The following MLIP variants were observed in gnomAD, a reference collection of about 807,000 sequenced individuals.
The protein encoded by MLIP is muscular LMNA-interacting protein.
In MLIP, 79 loss-of-function variants were observed where a neutral mutation model predicts 84.8. The observed-to-expected ratio is 0.93, with a 90% CI of 0.78 to 1.12. The LOEUF (loss-of-function observed/expected upper bound fraction) is 1.12. MLIP is among the 50% of genes most tolerant of loss of function. The probability of loss-of-function intolerance (pLI) is 0.00; values close to 1 mark genes in which losing one functional copy is unlikely to be tolerated. For synonymous variants in MLIP, 504 were observed against 463.0 expected (o/e 1.09, Z -1.14); for missense variants, 1,257 against 1,160.6 (o/e 1.08, Z -1.21).
chr6:54,053,267 G>A (rs1423410102), intron 1 of MLIP, among the ~76,000 whole-genome samples: 4 of 152,136 alleles, frequency 2.6e-5, no homozygotes, highest in African/African-American at 9.7e-5. Flanking sequence ...CAGTCAAAAT[G>A]TCAGCTATTT....
chr6:54,035,741 T>G lies in MLIP; in HGVS notation c.63+16650T>G, dbSNP rs1764396119. On this transcript the variant is annotated intron_variant, in intron 1 of 12. Transcript: ENST00000274897. ...GGGTGTTGAACATCTTTTCATGTAC[T>G]TATTTGCCATATGTATATCTTTTTT... Among the ~76,000 whole-genome samples, 2 of 152,122 alleles carry G rather than the reference T, an allele frequency of 1.3e-5. 1 individual carries two copies. Among genetic ancestry groups the G allele is most frequent in the South Asian group, 4.1e-4 (2 of 4,836 alleles).
chr6:54,054,454 G>T (rs917484220), intron 1 of MLIP, among the ~76,000 whole-genome samples: 2 of 151,524 alleles, frequency 1.3e-5, no homozygotes, highest in Non-Finnish European at 2.9e-5. Flanking sequence ...AAAAATGACG[G>T]GTCTCCTTGA....
At chr6:54,034,900 C>T (rs116575402) in intron 1 of MLIP, among the ~76,000 whole-genome samples, 43 of 152,102 alleles carry the variant, frequency 2.8e-4, no homozygotes, top group Non-Finnish European at 5.4e-4. Context: ...TGGTAAATGC[C>T]CTATACAGGT....
chr6:54,231,762 G>C (rs979604470), intron 12 of MLIP, among the ~76,000 whole-genome samples: 1 of 152,082 alleles, frequency 6.6e-6, no homozygotes, highest in Non-Finnish European at 1.5e-5. Context: ...TCTACCTCCA[G>C]TTAAATACAT....
chr6:54,065,820 T>C lies in MLIP; in HGVS notation c.63+46729T>C, dbSNP rs1387023161. On this transcript the variant is annotated intron_variant, in intron 1 of 12. Transcript: ENST00000274897. ...CCTTGTCCTTACATCAAACTTTCTGTAGATTTGATAGTTTTTACTTATTTA... is the reference window on the plus strand; with the variant it reads ...CCTTGTCCTTACATCAAACTTTCTGCAGATTTGATAGTTTTTACTTATTTA... Among the ~76,000 whole-genome samples, 2 of 100,112 alleles carry C rather than the reference T, an allele frequency of 2.0e-5. 1 individual carries two copies. The highest frequency in any genetic ancestry group is 5.7e-5 in the Non-Finnish European group (2 of 34,934). 65.7% of individuals were successfully genotyped at this position (100,112 alleles called of 152,430 possible).
Position 54,124,756 on chromosome 6 carries a change from C to G in MLIP, c.536C>G (p.Ser179Cys). Reference sequence around the variant, plus strand: ...CGGCCCAAGTCTCTAGCTATCTCGTCCAGTCTGGTCTCTGATGTAGTGCGT... The same window carrying G: ...CGGCCCAAGTCTCTAGCTATCTCGTGCAGTCTGGTCTCTGATGTAGTGCGT... ...AVRPKSLAIS[S>C]SLVSDVVRPK... The change falls in exon 3 of 14, where the codon TCC becomes TGC. Residue 179 changes from serine (S) to cysteine (C), a missense_variant. Ser to Cys is a moderately radical substitution (Grantham distance 112, BLOSUM62 -1). Coordinates refer to ENST00000502396, the MANE Select transcript of MLIP (RefSeq NM_001281747.2). 1 of 1,614,184 alleles carries G rather than the reference C, an allele frequency of 6.2e-7. No homozygotes were observed. Among genetic ancestry groups the G allele is most frequent in the Non-Finnish European group, 8.5e-7 (1 of 1,180,030 alleles).
chr6:54,051,792 A>G (rs553873587), intron 1 of MLIP, among the ~76,000 whole-genome samples: 2 of 152,240 alleles, frequency 1.3e-5, no homozygotes, highest in South Asian at 2.1e-4. Flanking sequence ...ATTTTTGAAG[A>G]CACAGTTTTT....
intron 1 of MLIP, among the ~76,000 whole-genome samples, chr6:54,114,214 T>C (rs1030947694): frequency 1.3e-5 from 2 of 152,226 alleles, no homozygotes; most frequent in African/African-American, 4.8e-5. Flanking sequence ...TATTTGTGTT[T>C]ACATCTTTAT....
intron 1 of MLIP, chr6:54,047,596 G>A (rs1317741213): frequency 6.6e-6 from 1 of 152,250 alleles, no homozygotes; most frequent in East Asian, 1.9e-4. Context: ...GCGGAACCCA[G>A]GAAGAATGGA....
chr6:54,230,242 G>C (rs1162080176), intron 11 of MLIP, among the ~76,000 whole-genome samples: 1 of 151,942 alleles, frequency 6.6e-6, no homozygotes, highest in Non-Finnish European at 1.5e-5. Flanking sequence ...ACTAAACCTT[G>C]TACTTCTGCC....
At chr6:54,204,136 T>C (rs922506210) in intron 11 of MLIP, among the ~76,000 whole-genome samples, 3 of 152,198 alleles carry the variant, frequency 2.0e-5, no homozygotes, top group African/African-American at 7.2e-5. Flanking sequence ...GATTTATAAG[T>C]CTGATTTTTT....
chr6:54,049,235 T>C (rs1765243003), intron 1 of MLIP, among the ~76,000 whole-genome samples: 1 of 152,172 alleles, frequency 6.6e-6, no homozygotes, highest in Non-Finnish European at 1.5e-5. Flanking sequence ...GGCCCTGTTA[T>C]CAATATTTAA....
chr6:54,227,614 T>C (rs1386932427), intron 11 of MLIP, among the ~76,000 whole-genome samples: 1 of 152,210 alleles, frequency 6.6e-6, no homozygotes, highest in African/African-American at 2.4e-5. Context: ...AAGGGTCATT[T>C]ACAAATCATC....
At chr6:54,082,824 TA>T (rs11284349) in intron 1 of MLIP, among the ~76,000 whole-genome samples, 5,564 of 152,146 alleles carry the variant, frequency 0.037, 291 homozygotes, top group African/African-American at 0.13. Context: ...TTATTTTATT[TA>T]AAAAAACTGA....
chr6:54,230,793 T>C lies in MLIP; in HGVS notation c.2798T>C (p.Leu933Pro), dbSNP rs760175485. 3.7e-6 allele frequency: 6 copies of C among 1,614,132 alleles called. No homozygotes were observed. In the South Asian group the frequency reaches 6.6e-5, roughly 18 times the overall value. ...CTCTATCCTCCTGCTAAGTCACTGC[T>C]GCATCCACAGACCCTCTCACATGCT... ...TKLYPPAKSL[L>P]HPQTLSHADC... is the part of the protein sequence containing the mutation. Residue 933 changes from leucine to proline, a missense_variant, in exon 12 of 14, where the codon CTG becomes CCG. Coordinates refer to ENST00000502396, the MANE Select transcript of MLIP (RefSeq NM_001281747.2).
At chr6:54,184,028 A>G (rs1409370435) in intron 9 of MLIP, among the ~76,000 whole-genome samples, 4 of 152,134 alleles carry the variant, frequency 2.6e-5, no homozygotes, top group Admixed American at 2.6e-4. Flanking sequence ...TTATCATTTT[A>G]TAATTTTATA....
chr6:54,161,111 T>C (rs78534175), intron 8 of MLIP, among the ~76,000 whole-genome samples: 2,031 of 152,088 alleles, frequency 0.013, 44 homozygotes, highest in African/African-American at 0.046. Flanking sequence ...GTTTTTTTTT[T>C]ACATTGATGT....
chr6:54,054,787 AC>A (rs144797331), intron 1 of MLIP, among the ~76,000 whole-genome samples: 3,740 of 152,024 alleles, frequency 0.025, 66 homozygotes, highest in South Asian at 0.039. Context: ...AATTGTTCCC[AC>A]CCTTTCCTAC....
intron 9 of MLIP, among the ~76,000 whole-genome samples, chr6:54,186,328 A>G (rs75178862): frequency 0.024 from 3,631 of 152,332 alleles, 53 homozygotes; most frequent in Non-Finnish European, 0.035. Flanking sequence ...ATTCATCTGT[A>G]TGCTGACCAG....
Sources: allele counts gnomAD v4.1 joint callset (sites outside exome capture counted in the v4.1 genomes callset), GRCh38; gene constraint gnomAD v4.1.1; transcripts MANE v1.5; gene names NCBI Gene and HGNC (gene_info 2026-07-23, HGNC 2026-07-21).